PNPLA7: variants seen among roughly 807,000 people sequenced by gnomAD.
PNPLA7 encodes the protein patatin like domain 7, lysophospholipase.
Under a neutral mutation model 161.7 loss-of-function variants are expected in PNPLA7, and 153 were observed. That is an observed-to-expected ratio of 0.95 (90% CI 0.83 to 1.08). The LOEUF (loss-of-function observed/expected upper bound fraction) is 1.08. PNPLA7 is among the 50% of genes least tolerant of loss of function. PNPLA7 has a pLI of 0.00. For missense variants in PNPLA7, 1,739 were observed against 1,856.6 expected (o/e 0.94, Z 1.16); for synonymous variants, 809 against 782.1 (o/e 1.03, Z -0.57).
At chr9:137,518,338 A>G (rs1588663949) in intron 11 of PNPLA7, among the ~76,000 whole-genome samples, 1 of 62,522 alleles carries the variant, frequency 1.6e-5, no homozygotes, top group African/African-American at 8.1e-5. Flanking sequence ...CACTCACTCC[A>G]CTCTGCTCAC....
Position 137,465,326 on chromosome 9 carries a change from C to T in PNPLA7, c.3040-870G>A, listed in dbSNP as rs370162734. Among the ~76,000 whole-genome samples the T allele has an allele frequency of 1.8e-3, 268 of 152,258 alleles. 1 individual carries two copies. Among genetic ancestry groups the T allele is most frequent in the Middle Eastern group, 6.8e-3 (2 of 292 alleles). On this transcript the variant is annotated intron_variant, in intron 26 of 34. Transcript: ENST00000406427. Reference sequence around the variant, plus strand: ...AGGGGCAGGCACACAGCCCCGGCCTCACCTTGCCCCGGCCAGTTCCCAGGG... The same window carrying T: ...AGGGGCAGGCACACAGCCCCGGCCTTACCTTGCCCCGGCCAGTTCCCAGGG...
intron 22 of PNPLA7, 101 bp downstream of exon 22, chr9:137,480,859 G>A: frequency 8.0e-7 from 1 of 1,251,600 alleles, no homozygotes; most frequent in South Asian, 1.3e-5. Context: ...TGGACGAGGA[G>A]CACGCTGCAG....
intron 18 of PNPLA7, among the ~76,000 whole-genome samples, chr9:137,495,775 A>T (rs1219680398): frequency 6.6e-6 from 1 of 152,116 alleles, no homozygotes; most frequent in Admixed American, 6.5e-5. Context: ...TGTGTCCCTC[A>T]GCCTGCGGGA....
At chr9:137,545,807 G>A (rs551225149) in intron 4 of PNPLA7, among the ~76,000 whole-genome samples, 29 of 152,338 alleles carry the variant, frequency 1.9e-4, no homozygotes, top group South Asian at 4.1e-4. Context: ...GGCCACCAGA[G>A]GGCTCCTTGG....
At position 137,481,036 on chromosome 9, in the gene PNPLA7, C is replaced by A. The variant is rs1487098800; in HGVS notation, c.2348-13G>T. Reference sequence around the variant, plus strand: ...AGCAGGGTCGGGCCTGAAAACACCACCACCAGTAACGGAGCCTGCCTGGGC... The same window carrying A: ...AGCAGGGTCGGGCCTGAAAACACCAACACCAGTAACGGAGCCTGCCTGGGC... On this transcript the variant is annotated splice_polypyrimidine_tract_variant and intron_variant, in intron 21 of 34. Transcript: ENST00000406427. 3 of 1,551,602 alleles carry A rather than the reference C, an allele frequency of 1.9e-6. No homozygotes were observed. In the South Asian group the frequency reaches 3.6e-5, roughly 18 times the overall value.
Position 137,495,114 on chromosome 9 carries a change from GGT to G in PNPLA7, c.2044_2045del (p.Thr682HisfsTer38), listed in dbSNP as rs1564310029. The part of the protein sequence containing the change: ...VETLTHQARA[T>X]TVHAVRDSEL... ...CTGAGTCCCGAACGGCATGCACCGT[GGT>G]CGCCCGGGCCTGGTGGGTCAGTGTC... On this transcript the variant is annotated frameshift_variant, in exon 19 of 35. Coordinates refer to ENST00000406427, the MANE Select transcript of PNPLA7 (RefSeq NM_001098537.3). LOFTEE classifies it high-confidence loss of function. 5 of 1,606,568 alleles carry G rather than the reference GGT, an allele frequency of 3.1e-6. No individual in the cohort carries two copies. In the East Asian group the frequency reaches 1.1e-4, roughly 36 times the overall value.
chr9:137,502,677 G>C (rs1332165097), intron 14 of PNPLA7, among the ~76,000 whole-genome samples: 1 of 64,242 alleles, frequency 1.6e-5, no homozygotes, highest in Non-Finnish European at 3.0e-5. Flanking sequence ...CAGAGCCTTC[G>C]GGAGATGAGG....
rs187637387 is a variant in PNPLA7, at chr9:137,520,771, G to A, written c.958-728C>T. Among the ~76,000 whole-genome samples the A allele has an allele frequency of 2.7e-4, 41 of 152,334 alleles. No individual in the cohort carries two copies. The highest frequency in any genetic ancestry group is 4.1e-4 in the South Asian group (2 of 4,830). On this transcript the variant is annotated intron_variant, in intron 10 of 34. Coordinates refer to ENST00000406427, the MANE Select transcript of PNPLA7 (RefSeq NM_001098537.3). The surrounding 1 kb of genome is among the most constrained non-coding windows in gnomAD (Gnocchi z 5.2). Reference sequence around the variant, plus strand: ...CACACCGCCAGGAGGAGGGAGAGCCGGGGTTGACAGCCTTGTGCCCTTGAC... The same window carrying A: ...CACACCGCCAGGAGGAGGGAGAGCCAGGGTTGACAGCCTTGTGCCCTTGAC...
At chr9:137,532,473 T>C (rs1718052596) in intron 8 of PNPLA7, among the ~76,000 whole-genome samples, 1 of 152,198 alleles carries the variant, frequency 6.6e-6, no homozygotes, top group African/African-American at 2.4e-5. Context: ...TGCTTATCTT[T>C]GTCCCCTTGT....
In PNPLA7 at chr9:137,521,719, G is replaced by C; in HGVS notation, c.877-3C>G. 6.2e-7 allele frequency: 1 copy of C among 1,609,220 alleles called. No individual in the cohort carries two copies. Among genetic ancestry groups the C allele is most frequent in the Non-Finnish European group, 8.5e-7 (1 of 1,179,612 alleles). Reference sequence around the variant, plus strand: ...CTCTGCAGCCGCACCATGATGATCTGCAAGAACACGCCAGCTGCGCGGTGA... The same window carrying C: ...CTCTGCAGCCGCACCATGATGATCTCCAAGAACACGCCAGCTGCGCGGTGA... On this transcript the variant is annotated splice_region_variant and splice_polypyrimidine_tract_variant and intron_variant, in intron 9 of 34. Coordinates refer to ENST00000406427, the MANE Select transcript of PNPLA7 (RefSeq NM_001098537.3).
At chr9:137,527,619 T>C (rs769839831) in intron 8 of PNPLA7, among the ~76,000 whole-genome samples, 6 of 152,252 alleles carry the variant, frequency 3.9e-5, no homozygotes, top group Non-Finnish European at 8.8e-5. Flanking sequence ...TCATGATGTA[T>C]TATCCTTTTC....
In PNPLA7 at chr9:137,547,556, C is replaced by G. The variant is rs368188135; in HGVS notation, c.105+29G>C. The G allele has an allele frequency of 7.9e-5, 128 of 1,612,476 alleles. No homozygotes were observed. Among genetic ancestry groups the G allele is most frequent in the Admixed American group, 1.2e-4 (7 of 60,026 alleles). On this transcript the variant is annotated intron_variant, in intron 2 of 34. Coordinates refer to ENST00000406427, the MANE Select transcript of PNPLA7 (RefSeq NM_001098537.3). This position sits in a 1 kb window ranked among gnomAD's most constrained non-coding sequence, Gnocchi z 4.6. The stretch of plus-strand genomic sequence containing the variant: ...GAAAAAGGCCACGGCCCATCCAGGT[C>G]TGGCTCCAGGGAAGCGTGAGGTGAT...
rs78126589 is a variant in PNPLA7 at position 137,502,582 on chromosome 9, C to T, written c.1474-855G>A. Among the ~76,000 whole-genome samples, 419 of 138,428 alleles carry T rather than the reference C, an allele frequency of 3.0e-3. 3 individuals are homozygous for T. Among genetic ancestry groups the T allele is most frequent in the East Asian group, 0.027 (121 of 4,418 alleles). 90.8% of individuals were successfully genotyped at this position (138,428 alleles called of 152,430 possible). ...GGAGAGGCCGCATCGCCCCAGGGCG[C>T]GTTGTCAGCCCGAGGAGGAGCCGTG... On this transcript the variant is annotated intron_variant, in intron 14 of 34. Transcript: ENST00000406427.
At position 137,460,690 on chromosome 9, in the gene PNPLA7, G is replaced by A; in HGVS notation, c.3889C>T (p.Pro1297Ser). 6.2e-7 allele frequency: 1 copy of A among 1,612,824 alleles called. No individual in the cohort carries two copies. Among genetic ancestry groups the A allele is most frequent in the South Asian group, 1.1e-5 (1 of 91,086 alleles). The change falls in exon 34 of 35, where the codon CCC (proline) becomes TCC (serine). Residue 1297 changes from proline (P) to serine (S), a missense_variant. Physicochemically the swap from Pro to Ser is moderately conservative, Grantham distance 74. This residue lies in a region of PNPLA7 where 703 missense variants were observed against 694.6 expected (regional missense o/e 1.01). Transcript: ENST00000406427. ...TEYEEELLDV[P>S]RDAYADFQST... ...TGGAAGTCTGCGTATGCATCCCTGG[G>A]GACGTCCAGCAGCTCCTCCTCGTAC...
At chr9:137,535,677 C>T (rs184568514) in intron 8 of PNPLA7, among the ~76,000 whole-genome samples, 116 of 149,418 alleles carry the variant, frequency 7.8e-4, no homozygotes, top group African/African-American at 2.6e-3. Context: ...CGTTTGAACA[C>T]GGGAGGCAGG....
At chr9:137,478,234 G>T in intron 24 of PNPLA7, 82 bp from the exon 25 acceptor site, 1 of 1,081,134 alleles carries the variant, frequency 9.2e-7, no homozygotes, top group Non-Finnish European at 1.2e-6. Flanking sequence ...ACTGGGGGGA[G>T]TTTCCTCCAC....
chr9:137,547,622 C>T lies in PNPLA7; in HGVS notation c.68G>A (p.Gly23Glu). Residue 23 changes from glycine to glutamate, a missense_variant, in exon 2 of 35, where the codon GGA becomes GAA. Gly to Glu is a moderately conservative substitution (Grantham distance 98). Around this residue, in one of 6 missense-constraint regions of PNPLA7, gnomAD observed 209 missense variants for 252.8 expected, o/e 0.83. Coordinates refer to ENST00000406427, the MANE Select transcript of PNPLA7 (RefSeq NM_001098537.3). The surrounding 1 kb of genome is among the most constrained non-coding windows in gnomAD (Gnocchi z 4.6). ...FCLGTALHSWGLWFTEEGSPS... is the reference protein window; with the variant it reads ...FCLGTALHSWELWFTEEGSPS... The stretch of plus-strand genomic sequence containing the variant: ...TGAACCTTCCTCCGTGAACCACAGT[C>T]CCCAAGAGTGCAGGGCGGTGCCCAG... 1.2e-6 allele frequency: 2 copies of T among 1,613,188 alleles called. No homozygotes were observed. The highest frequency in any genetic ancestry group is 1.7e-6 in the Non-Finnish European group (2 of 1,179,864).
intron 18 of PNPLA7, among the ~76,000 whole-genome samples, chr9:137,496,372 G>A (rs1418428944): frequency 6.6e-6 from 1 of 152,002 alleles, no homozygotes; most frequent in Non-Finnish European, 1.5e-5. Flanking sequence ...CTCCCAAAGT[G>A]CTGGGATTAC....
At chr9:137,518,534 C>T (rs1435754792) in intron 11 of PNPLA7, among the ~76,000 whole-genome samples, 8 of 47,560 alleles carry the variant, frequency 1.7e-4, no homozygotes, top group East Asian at 8.8e-4. Flanking sequence ...CTCCACTCTG[C>T]TCACTCCATC....
Sources: gnomAD v4.1 joint callset for allele counts (sites outside exome capture counted in the v4.1 genomes callset) on GRCh38, gnomAD v4.1.1 for gene constraint, gnomAD v4.1.1 regional missense constraint, Gnocchi (gnomAD v3.1) non-coding constraint, MANE v1.5 for transcripts, NCBI Gene and HGNC (gene_info 2026-07-23, HGNC 2026-07-21) for gene names.